The following ANKRD6 variants were observed in gnomAD, a reference collection of about 807,000 sequenced individuals.
ANKRD6 encodes the protein ankyrin repeat domain 6, also known as ankyrin repeat domain-containing protein 6.
Under a neutral mutation model 82.3 loss-of-function variants are expected in ANKRD6, and 56 were observed. The ratio of observed to expected loss-of-function variants is 0.68; its 90% CI spans 0.55 to 0.85. The LOEUF is 0.85. Ranked by LOEUF, ANKRD6 falls within the 40% of genes least tolerant of loss-of-function variation. The probability of loss-of-function intolerance (pLI) is 0.00; values close to 1 mark genes in which losing one functional copy is unlikely to be tolerated. For missense variants in ANKRD6, 852 were observed against 907.6 expected, an observed-to-expected ratio of 0.94 and a Z score of 0.79; for synonymous variants, 347 against 352.1, an observed-to-expected ratio of 0.99 and a Z score of 0.16.
At chr6:89,603,000 G>T (rs1408471666) in intron 3 of ANKRD6, 29 bp from the exon 4 acceptor site, 1 of 1,565,346 alleles carries the variant, frequency 6.4e-7, no homozygotes, top group South Asian at 1.2e-5. Flanking sequence ...GGAGCTGACT[G>T]CTGTTCCTGC....
At chr6:89,526,624 T>TAA (rs1782534837) in intron 1 of ANKRD6, among the ~76,000 whole-genome samples, 2 of 152,128 alleles carry the variant, frequency 1.3e-5, no homozygotes, top group Non-Finnish European at 2.9e-5. Context: ...TTAGTCAGGG[T>TAA]TCTCCGAGAA....
chr6:89,475,636 C>T (rs766947461), intron 1 of ANKRD6, among the ~76,000 whole-genome samples: 2 of 152,228 alleles, frequency 1.3e-5, no homozygotes, highest in African/African-American at 2.4e-5. Context: ...CTGAATGAAA[C>T]TGTCCCTCTC....
rs114987383 is a variant in ANKRD6, at chr6:89,618,237, C to T, written c.792+206C>T. The T allele has an allele frequency of 3.5e-3, 2,429 of 697,844 alleles. 14 individuals carry two copies. Among genetic ancestry groups the T allele is most frequent in the Middle Eastern group, 0.017 (60 of 3,472 alleles). The allele number at this position is 697,844 out of a possible 1,614,324, so 43.2% of individuals were successfully genotyped here. A position where few individuals can be genotyped will look rare whatever the true frequency, so the allele number is the denominator to read the frequency against. On this transcript the variant is annotated intron_variant, in intron 9 of 15. Coordinates refer to ENST00000339746, the MANE Select transcript of ANKRD6 (RefSeq NM_001242809.2). The stretch of plus-strand genomic sequence containing the variant: ...CTCTTCGTGTTCATGCCTGGGCCGC[C>T]TCATCTTCTCCCTGTGGCTGGATCT...
intron 1 of ANKRD6, among the ~76,000 whole-genome samples, chr6:89,514,821 G>A (rs1448159832): frequency 1.3e-5 from 2 of 152,202 alleles, no homozygotes; most frequent in African/African-American, 4.8e-5. Flanking sequence ...TCAGGCACAG[G>A]TGTTAAAAGA....
intron 1 of ANKRD6, among the ~76,000 whole-genome samples, chr6:89,536,711 T>C (rs1783884173): frequency 6.6e-6 from 1 of 152,220 alleles, no homozygotes; most frequent in Admixed American, 6.5e-5. Flanking sequence ...ATGCTCTTCA[T>C]ATTATCTAGG....
chr6:89,462,030 G>A (rs1407139524), intron 1 of ANKRD6, among the ~76,000 whole-genome samples: 1 of 151,930 alleles, frequency 6.6e-6, no homozygotes, highest in Non-Finnish European at 1.5e-5. Flanking sequence ...TCAGGGGTTC[G>A]AGACCAACCT....
intron 1 of ANKRD6, among the ~76,000 whole-genome samples, chr6:89,447,934 G>T (rs1267766988): frequency 6.7e-6 from 1 of 149,764 alleles, no homozygotes; most frequent in East Asian, 2.0e-4. Flanking sequence ...TGATCCGCCT[G>T]CCTCGGCCTC....
chr6:89,584,836 C>T (rs1345045638), intron 2 of ANKRD6, among the ~76,000 whole-genome samples: 3 of 152,130 alleles, frequency 2.0e-5, no homozygotes, highest in Non-Finnish European at 4.4e-5. Flanking sequence ...CTTAAGATCA[C>T]GGTGCCTACA....
At chr6:89,575,681 T>C (rs1790960955) in intron 2 of ANKRD6, among the ~76,000 whole-genome samples, 1 of 152,180 alleles carries the variant, frequency 6.6e-6, no homozygotes, top group South Asian at 2.1e-4. Flanking sequence ...ATATGTTGCT[T>C]GTCCCCAGAG....
At chr6:89,474,404 G>A (rs533967477) in intron 1 of ANKRD6, among the ~76,000 whole-genome samples, 1 of 152,294 alleles carries the variant, frequency 6.6e-6, no homozygotes, top group East Asian at 1.9e-4. Context: ...AGGTCATAAA[G>A]GCATTTCAAT....
chr6:89,482,023 C>T (rs1168804347), intron 1 of ANKRD6, among the ~76,000 whole-genome samples: 3 of 152,190 alleles, frequency 2.0e-5, no homozygotes, highest in Non-Finnish European at 4.4e-5. Context: ...CATTGCCCCT[C>T]ATAAGGTGGA....
intron 1 of ANKRD6, among the ~76,000 whole-genome samples, chr6:89,529,240 C>A (rs149210174): frequency 3.2e-3 from 490 of 152,350 alleles, no homozygotes; most frequent in Non-Finnish European, 5.9e-3. Flanking sequence ...ATTATCTTAG[C>A]TAGATTTTCT....
chr6:89,447,333 T>C (rs1327663280), intron 1 of ANKRD6, among the ~76,000 whole-genome samples: 5 of 151,984 alleles, frequency 3.3e-5, no homozygotes, highest in African/African-American at 1.2e-4. Context: ...ATTGCTGATA[T>C]GGAGAAAGTT....
chr6:89,443,713 T>C (rs184768496), intron 1 of ANKRD6, among the ~76,000 whole-genome samples: 546 of 152,324 alleles, frequency 3.6e-3, no homozygotes, highest in Non-Finnish European at 5.4e-3. Context: ...TTTGAGCCCT[T>C]ATGGCAATTT....
At chr6:89,584,328 C>T (rs1793249949) in intron 2 of ANKRD6, among the ~76,000 whole-genome samples, 1 of 152,206 alleles carries the variant, frequency 6.6e-6, no homozygotes, top group Non-Finnish European at 1.5e-5. Flanking sequence ...ACTGAGCTGC[C>T]CACTTGGGCC....
intron 1 of ANKRD6, among the ~76,000 whole-genome samples, chr6:89,467,751 C>A (rs1775011581): frequency 6.6e-6 from 1 of 152,276 alleles, no homozygotes; most frequent in East Asian, 1.9e-4. Flanking sequence ...AAGAGCTCCC[C>A]CTCTGTGGGC....
chr6:89,532,586 A>G (rs938710460), intron 1 of ANKRD6, among the ~76,000 whole-genome samples: 2 of 152,210 alleles, frequency 1.3e-5, no homozygotes, highest in African/African-American at 4.8e-5. Flanking sequence ...TTTAAGCTCC[A>G]TGAGGGCAGG....
In ANKRD6 at chr6:89,611,320, C is replaced by T. The variant is rs570570688; in HGVS notation, c.418-952C>T. On this transcript the variant is annotated intron_variant, in intron 5 of 15. Coordinates refer to ENST00000339746, the MANE Select transcript of ANKRD6 (RefSeq NM_001242809.2). ...GGCAGTGTAATGCTCTGAGCCCACGCACCTGCAAGCCTGACCCAGCACTTG... is the reference window on the plus strand; with the variant it reads ...GGCAGTGTAATGCTCTGAGCCCACGTACCTGCAAGCCTGACCCAGCACTTG... Among the ~76,000 whole-genome samples the T allele has an allele frequency of 6.6e-5, 10 of 152,310 alleles. No individual in the cohort carries two copies. In the South Asian group the frequency reaches 2.1e-3, roughly 32 times the overall value.
intron 1 of ANKRD6, among the ~76,000 whole-genome samples, chr6:89,545,779 T>C (rs1400212090): frequency 6.6e-6 from 1 of 152,216 alleles, no homozygotes; most frequent in Non-Finnish European, 1.5e-5. Flanking sequence ...TATTAAAAGA[T>C]GGCATCTGGA....
Sources: allele counts gnomAD v4.1 joint callset (sites outside exome capture counted in the v4.1 genomes callset), GRCh38; gene constraint gnomAD v4.1.1; transcripts MANE v1.5; gene names NCBI Gene and HGNC (gene_info 2026-07-23, HGNC 2026-07-21).